Variants in UBE4B observed in about 807,000 individuals in gnomAD.
UBE4B encodes the protein ubiquitination factor E4B, also known as ubiquitin conjugation factor E4 B.
A neutral mutation model predicts 148.1 loss-of-function variants in UBE4B; 27 were observed. The observed-to-expected ratio is 0.18, with a 90% CI of 0.13 to 0.25. UBE4B has a LOEUF of 0.25. Ranked by LOEUF, UBE4B falls within the 10% of genes least tolerant of loss-of-function variation. The pLI is 1.00. For missense variants in UBE4B, 1,170 were observed against 1,662.4 expected (o/e 0.70, Z 5.15); for synonymous variants, 596 against 619.3 (o/e 0.96, Z 0.56).
chr1:10,168,595 T>C lies in UBE4B; in HGVS notation c.3333+325T>C, dbSNP rs1257602006. Among the ~76,000 whole-genome samples, 2 of 152,130 alleles carry C rather than the reference T, an allele frequency of 1.3e-5. No homozygotes were observed. The highest frequency in any genetic ancestry group is 4.8e-5 in the African/African-American group (2 of 41,430). Reference sequence around the variant, plus strand: ...ATTATTGATTCCTATATTTTACTTATAGAAAAAGCATAAGGTGCCGGGTGC... The same window carrying C: ...ATTATTGATTCCTATATTTTACTTACAGAAAAAGCATAAGGTGCCGGGTGC... On this transcript the variant is annotated intron_variant, in intron 24 of 27. Transcript: ENST00000343090. The surrounding 1 kb of genome is among the most constrained non-coding windows in gnomAD (Gnocchi z 4.9).
chr1:10,139,368 G>T (rs112635498), intron 17 of UBE4B, among the ~76,000 whole-genome samples: 1 of 151,882 alleles, frequency 6.6e-6, no homozygotes, highest in Non-Finnish European at 1.5e-5. Context: ...TCCAGCCTGA[G>T]CAAGAGTGAG....
chr1:10,114,810 G>A (rs370482277), intron 7 of UBE4B, among the ~76,000 whole-genome samples: 1 of 152,152 alleles, frequency 6.6e-6, no homozygotes, highest in South Asian at 2.1e-4. Context: ...TTTGCACTGA[G>A]CAGAGATCAC....
At chr1:10,107,149 C>T in intron 7 of UBE4B, 1 of 1,260,662 alleles carries the variant, frequency 7.9e-7, no homozygotes, top group Non-Finnish European at 1.0e-6. Context: ...AAAAGGACAG[C>T]AGTTGCAAAA....
At chr1:10,055,753 T>C (rs953105681) in intron 1 of UBE4B, among the ~76,000 whole-genome samples, 3 of 151,934 alleles carry the variant, frequency 2.0e-5, no homozygotes, top group Non-Finnish European at 4.4e-5. Flanking sequence ...AACCCTGTCT[T>C]TACTAAAAAT....
intron 14 of UBE4B, 35 bp from the exon 15 acceptor site, chr1:10,132,334 T>A (rs1316842432): frequency 6.4e-7 from 1 of 1,563,070 alleles, no homozygotes; most frequent in South Asian, 1.1e-5. Flanking sequence ...CAAAATAGTT[T>A]TAATTTGTTT....
intron 1 of UBE4B, among the ~76,000 whole-genome samples, chr1:10,066,486 G>C (rs1644390549): frequency 6.6e-6 from 1 of 151,986 alleles, no homozygotes; most frequent in Admixed American, 6.6e-5. Flanking sequence ...GTGATGTTTG[G>C]ATGTAAATGC....
At chr1:10,143,177 G>T (rs1645811216) in intron 17 of UBE4B, among the ~76,000 whole-genome samples, 1 of 152,146 alleles carries the variant, frequency 6.6e-6, no homozygotes, top group Non-Finnish European at 1.5e-5. Context: ...GCCAAGGCAG[G>T]TGGATCATTT....
Position 10,135,039 on chromosome 1 carries a change from G to A in UBE4B, c.2077G>A (p.Val693Ile). The change falls in exon 16 of 28, where the codon GTA becomes ATA. Residue 693 changes from valine (V) to isoleucine (I), a missense_variant. This residue lies in a region of UBE4B where 388 missense variants were observed against 536.0 expected (regional missense o/e 0.72). Transcript: ENST00000343090. The stretch of plus-strand genomic sequence containing the variant: ...TGGATTTATGCTGAATTTCCTTTGG[G>A]TACTGCAGCAGCTAAGTACAAAAAT... Reference protein sequence around the residue: ...TDGFMLNFLWVLQQLSTKIKL... With the variant: ...TDGFMLNFLWILQQLSTKIKL... The A allele has an allele frequency of 6.2e-7, 1 of 1,614,024 alleles. No individual in the cohort carries two copies. Among genetic ancestry groups the A allele is most frequent in the Non-Finnish European group, 8.5e-7 (1 of 1,180,010 alleles).
chr1:10,180,269 A>T lies in UBE4B; in HGVS notation c.*313A>T, dbSNP rs552028542. 1.5e-5 allele frequency: 6 copies of T among 402,344 alleles called. No homozygotes were observed. In the South Asian group the frequency reaches 2.1e-4, roughly 14 times the overall value. 24.9% of individuals were successfully genotyped at this position (402,344 alleles called of 1,614,324 possible). On this transcript the variant is annotated 3_prime_UTR_variant, in exon 28 of 28. Coordinates refer to ENST00000343090, the MANE Select transcript of UBE4B (RefSeq NM_001105562.3). ...AACGGAAGTCTTTTAGTGATGGCTA[A>T]TGGGTCTGGGCAGCATCCCTTCATG...
chr1:10,177,990 G>T (rs572726934), intron 25 of UBE4B, among the ~76,000 whole-genome samples: 81 of 151,544 alleles, frequency 5.3e-4, no homozygotes, highest in African/African-American at 1.9e-3. Flanking sequence ...TCCACGGTGG[G>T]CGCCTGACCT....
intron 26 of UBE4B, 36 bp from the exon 27 acceptor site, chr1:10,179,380 C>T (rs1454796139): frequency 1.9e-6 from 3 of 1,606,806 alleles, no homozygotes; most frequent in South Asian, 2.2e-5. Context: ...CGTGGGCTCT[C>T]AGTAGATTAG....
chr1:10,125,953 G>A (rs1645485762), intron 10 of UBE4B, among the ~76,000 whole-genome samples: 1 of 152,182 alleles, frequency 6.6e-6, no homozygotes. Flanking sequence ...AATGTTGATT[G>A]TTGGCCTGTT....
intron 25 of UBE4B, among the ~76,000 whole-genome samples, chr1:10,171,745 G>A (rs1485736137): frequency 2.6e-5 from 4 of 152,188 alleles, no homozygotes; most frequent in Non-Finnish European, 5.9e-5. Flanking sequence ...CCTCAGTGTG[G>A]TGGTGCATGC....
At chr1:10,082,859 C>G (rs1168269997) in intron 2 of UBE4B, among the ~76,000 whole-genome samples, 1 of 148,064 alleles carries the variant, frequency 6.8e-6, no homozygotes, top group Non-Finnish European at 1.5e-5. Context: ...CTCCCTGTGT[C>G]CCTGTGTTCT....
At chr1:10,070,935 G>A (rs1644473888) in intron 1 of UBE4B, among the ~76,000 whole-genome samples, 1 of 152,048 alleles carries the variant, frequency 6.6e-6, no homozygotes, top group African/African-American at 2.4e-5. Flanking sequence ...TTTTGGAGGT[G>A]GAGTCTCCCT....
intron 18 of UBE4B, among the ~76,000 whole-genome samples, chr1:10,146,153 C>T (rs1483744501): frequency 1.3e-5 from 2 of 152,134 alleles, no homozygotes; most frequent in Admixed American, 6.6e-5. Context: ...TCAAGGGGAT[C>T]TATAAACTGC....
intron 1 of UBE4B, among the ~76,000 whole-genome samples, chr1:10,042,314 G>A (rs1020935068): frequency 6.6e-6 from 1 of 152,166 alleles, no homozygotes; most frequent in Admixed American, 6.6e-5. Flanking sequence ...ACAGACAAAC[G>A]TTGCTGTATG....
chr1:10,092,759 T>G (rs953251094), intron 2 of UBE4B, among the ~76,000 whole-genome samples: 2 of 151,278 alleles, frequency 1.3e-5, no homozygotes, highest in African/African-American at 4.9e-5. Context: ...ACCTGGGAGA[T>G]GGAGGTTGCT....
At chr1:10,050,997 G>C (rs1644029757) in intron 1 of UBE4B, among the ~76,000 whole-genome samples, 1 of 152,104 alleles carries the variant, frequency 6.6e-6, no homozygotes, top group African/African-American at 2.4e-5. Flanking sequence ...CATACTTGCA[G>C]GCTTTTTTGG....
Sources: allele counts gnomAD v4.1 joint callset (sites outside exome capture counted in the v4.1 genomes callset), GRCh38; gene constraint gnomAD v4.1.1; regional missense constraint gnomAD v4.1.1; non-coding constraint Gnocchi (gnomAD v3.1); transcripts MANE v1.5; gene names NCBI Gene and HGNC (gene_info 2026-07-23, HGNC 2026-07-21).